ENOSF1: variants seen among roughly 807,000 people sequenced by gnomAD.
ENOSF1 encodes mitochondrial enolase superfamily member 1.
In ENOSF1, 73 loss-of-function variants were observed where a neutral mutation model predicts 68.2. The ratio of observed to expected loss-of-function variants is 1.07; its 90% CI spans 0.89 to 1.30. The LOEUF (loss-of-function observed/expected upper bound fraction) is 1.30, where lower values mean the gene tolerates loss of function less well. Among genes scored for constraint, ENOSF1 ranks in the 50% most tolerant of loss-of-function variants. The pLI is 0.00. For synonymous variants in ENOSF1, 223 were observed against 210.4 expected, an observed-to-expected ratio of 1.06 and a Z score of -0.52; for missense variants, 589 against 554.5, an observed-to-expected ratio of 1.06 and a Z score of -0.62.
downstream of ENOSF1, among the ~76,000 whole-genome samples, chr18:666,974 GAGATGGAGATGGT>G (rs1322707373): frequency 0.015 from 127 of 8,604 alleles, 3 homozygotes; most frequent in Non-Finnish European, 0.028. Context: ...GATGGTGATG[GAGATGGAGATGGT>G]GATGGTGATG....
At chr18:694,194 A>G in intron 4 of ENOSF1, 54 bp downstream of exon 4, 1 of 1,537,462 alleles carries the variant, frequency 6.5e-7, no homozygotes, top group Non-Finnish European at 9.0e-7. Context: ...GCGTAGGGAA[A>G]GTCAGTGTCG....
chr18:691,221 G>C lies in ENOSF1; in HGVS notation c.479C>G (p.Thr160Ser). The C allele has an allele frequency of 6.2e-7, 1 of 1,614,170 alleles. No individual in the cohort carries two copies. The highest frequency in any genetic ancestry group is 8.5e-7 in the Non-Finnish European group (1 of 1,180,000). ...IDFRYITDVLTEEDALEILQK... is the reference protein window; with the variant it reads ...IDFRYITDVLSEEDALEILQK... ...AAACTCACCTAGGGCATCCTCCTCA[G>C]TCAGGACATCAGTGATGTACCTGAA... Residue 160 changes from threonine to serine, a missense_variant, in exon 6 of 16, where the codon ACT (threonine) becomes AGT (serine). Thr to Ser is a moderately conservative substitution (Grantham distance 58). Transcript: ENST00000647584.
intron 5 of ENOSF1, 54 bp from the exon 6 acceptor site, chr18:691,330 ATT>A: frequency 6.8e-7 from 1 of 1,465,678 alleles, no homozygotes; most frequent in Middle Eastern, 1.8e-4. Flanking sequence ...GGTGGGTTAT[ATT>A]TTGTTTTTTA....
intron 1 of ENOSF1, among the ~76,000 whole-genome samples, chr18:707,422 C>T (rs2079056372): frequency 6.6e-6 from 1 of 152,184 alleles, no homozygotes; most frequent in Admixed American, 6.5e-5. Context: ...TTGAACAAGC[C>T]AAAGGTTCAG....
chr18:672,800 A>G lies in ENOSF1; in HGVS notation c.*1505T>C, dbSNP rs1349601944. On this transcript the variant is annotated 3_prime_UTR_variant, in exon 16 of 16. Coordinates refer to ENST00000647584, the MANE Select transcript of ENOSF1 (RefSeq NM_017512.7). ...CCTGTGTACTTGTTTCACGGACATG[A>G]GGAGCAATTACAACAGGTCGTACAA... 1 of 1,505,412 alleles carries G rather than the reference A, an allele frequency of 6.6e-7. No individual in the cohort carries two copies. Among genetic ancestry groups the G allele is most frequent in the Non-Finnish European group, 9.0e-7 (1 of 1,109,202 alleles). The allele number at this position is 1,505,412 out of a possible 1,614,324, so 93.3% of individuals were successfully genotyped here.
intron 9 of ENOSF1, chr18:686,262 C>A: frequency 2.4e-6 from 1 of 414,140 alleles, no homozygotes; most frequent in Non-Finnish European, 4.3e-6. Flanking sequence ...GAAGTCAGGT[C>A]TTTAATATAA....
At chr18:693,517 G>C in intron 5 of ENOSF1, 2 of 985,388 alleles carry the variant, frequency 2.0e-6, no homozygotes, top group Non-Finnish European at 2.4e-6. Flanking sequence ...GCTTTTCAGA[G>C]TTTATGAGGT....
In ENOSF1 at chr18:697,336, G is replaced by A. The variant is rs1440606980; in HGVS notation, c.213C>T (p.Ala71=). ...CCTTGTTGAGCACATGGTGGGCGAG[G>A]GCATTCACAGCACAGACAACTATTT... ...GTEVVVCAVN[A]LAHHVLNKDL... is the part of the protein sequence containing the mutation. The change falls in exon 3 of 16, where the codon GCC becomes GCT. Residue 71 remains alanine (A), a synonymous_variant. Transcript: ENST00000647584. The A allele has an allele frequency of 1.9e-6, 3 of 1,613,396 alleles. No individual in the cohort carries two copies. Among genetic ancestry groups the A allele is most frequent in the East Asian group, 2.2e-5 (1 of 44,876 alleles).
chr18:701,048 G>C (rs899181227), intron 2 of ENOSF1, among the ~76,000 whole-genome samples: 1 of 152,052 alleles, frequency 6.6e-6, no homozygotes, highest in Admixed American at 6.6e-5. Flanking sequence ...CAATTCTCTG[G>C]AGCCTCTAGC....
intron 1 of ENOSF1, among the ~76,000 whole-genome samples, chr18:709,487 G>A (rs941658896): frequency 2.0e-5 from 3 of 152,104 alleles, no homozygotes; most frequent in Admixed American, 6.5e-5. Context: ...TAAGAAGGAG[G>A]TAAGCCCGGA....
downstream of ENOSF1, chr18:669,148 C>T (rs1399613057): frequency 4.3e-6 from 7 of 1,614,014 alleles, no homozygotes; most frequent in African/African-American, 1.3e-5. Flanking sequence ...ACAGAAGAAT[C>T]ATCATGTGCG....
chr18:684,297 G>A (rs2076413963), intron 10 of ENOSF1, among the ~76,000 whole-genome samples: 2 of 151,974 alleles, frequency 1.3e-5, no homozygotes, highest in South Asian at 2.1e-4. Context: ...ATCTGGCCCA[G>A]CCTGTGGATT....
At chr18:691,385 G>A (rs2077152558) in intron 5 of ENOSF1, 109 bp from the exon 6 acceptor site, 3 of 904,138 alleles carry the variant, frequency 3.3e-6, no homozygotes, top group African/African-American at 3.3e-5. Context: ...TCACTCTGTT[G>A]CCCAGGCTGG....
chr18:708,113 G>A (rs1004114996), intron 1 of ENOSF1, among the ~76,000 whole-genome samples: 11 of 151,336 alleles, frequency 7.3e-5, no homozygotes, highest in Non-Finnish European at 1.2e-4. Context: ...CACTTGCCTC[G>A]GCCTCCCAAA....
At chr18:694,152 TG>T in intron 4 of ENOSF1, 95 bp downstream of exon 4, 1 of 1,297,806 alleles carries the variant, frequency 7.7e-7, no homozygotes, top group Non-Finnish European at 1.1e-6. Context: ...TATTTCCTTT[TG>T]GGGGCTGCAG....
intron 5 of ENOSF1, chr18:691,927 C>T (rs73368371): frequency 0.036 from 5,459 of 152,638 alleles, 303 homozygotes; most frequent in African/African-American, 0.12. Context: ...TGTACATCAG[C>T]GCCACACCGC....
chr18:677,291 G>C (rs1013522825), intron 14 of ENOSF1, 54 bp downstream of exon 14: 1 of 1,427,520 alleles, frequency 7.0e-7, no homozygotes. Context: ...ACAAGCTCTG[G>C]CCTGGATTGA....
chr18:668,011 T>A (rs1386120956), downstream of ENOSF1, among the ~76,000 whole-genome samples: 1 of 149,796 alleles, frequency 6.7e-6, no homozygotes, highest in Non-Finnish European at 1.5e-5. Flanking sequence ...TTTTTTTTTT[T>A]AATGCACAGA....
Position 671,293 on chromosome 18 carries a change from C to A in ENOSF1, c.*3012G>T. ...AATTATTTTTTTAAAAAAAGCCTTG[C>A]GGTGTCTGCATATTCTAATGTTTTT... On this transcript the variant is annotated 3_prime_UTR_variant, in exon 16 of 16. Transcript: ENST00000647584. 1.1e-6 allele frequency: 1 copy of A among 883,790 alleles called. No individual in the cohort carries two copies. Among genetic ancestry groups the A allele is most frequent in the South Asian group, 1.4e-5 (1 of 71,976 alleles). The allele number at this position is 883,790 out of a possible 1,614,324, so 54.7% of individuals were successfully genotyped here. A position where few individuals can be genotyped will look rare whatever the true frequency, so the allele number is the denominator to read the frequency against.
Sources: gnomAD v4.1 joint callset for allele counts (sites outside exome capture counted in the v4.1 genomes callset) on GRCh38, gnomAD v4.1.1 for gene constraint, MANE v1.5 for transcripts, NCBI Gene and HGNC (gene_info 2026-07-23, HGNC 2026-07-21) for gene names.